The following NR3C2 variants were observed in gnomAD, a reference collection of about 807,000 sequenced individuals.
NR3C2 encodes the protein mineralocorticoid receptor.
A neutral mutation model predicts 86.4 loss-of-function variants in NR3C2; 15 were observed. The observed-to-expected ratio is 0.17, with a 90% CI of 0.12 to 0.27. The LOEUF (loss-of-function observed/expected upper bound fraction) is 0.27, where lower values mean the gene tolerates loss of function less well. Among genes scored for constraint, NR3C2 ranks in the 10% least tolerant of loss-of-function variants. The pLI is 1.00. For synonymous variants in NR3C2, 458 were observed against 450.5 expected, an observed-to-expected ratio of 1.02 and a Z score of -0.21; for missense variants, 960 against 1,195.6, an observed-to-expected ratio of 0.80 and a Z score of 2.91.
Position 148,080,931 on chromosome 4 carries a change from C to T in NR3C2, c.*413G>A, listed in dbSNP as rs886223353. ...ATATTAATGCCCCATATTGACTATA[C>T]GTTTTATGTGCAAACCAAGGGTAAG... On this transcript the variant is annotated 3_prime_UTR_variant, in exon 9 of 9. Coordinates refer to ENST00000358102, the MANE Select transcript of NR3C2 (RefSeq NM_000901.5). The T allele has an allele frequency of 9.4e-6, 3 of 320,478 alleles. No individual in the cohort carries two copies. The highest frequency in any genetic ancestry group is 2.2e-5 in the African/African-American group (1 of 46,340). The allele number at this position is 320,478 out of a possible 1,614,324, so 19.9% of individuals were successfully genotyped here.
intron 2 of NR3C2, among the ~76,000 whole-genome samples, chr4:148,296,294 T>C (rs537076352): frequency 3.3e-5 from 5 of 152,230 alleles, no homozygotes; most frequent in African/African-American, 1.2e-4. Flanking sequence ...ACCACATTTC[T>C]GGGAATTGAC....
Position 148,081,217 on chromosome 4 carries a change from A to G in NR3C2, c.*127T>C. The G allele has an allele frequency of 1.5e-6, 2 of 1,339,970 alleles. No individual in the cohort carries two copies. Among genetic ancestry groups the G allele is most frequent in the Non-Finnish European group, 2.1e-6 (2 of 950,010 alleles). 83.0% of individuals were successfully genotyped at this position (1,339,970 alleles called of 1,614,324 possible). ...GGCTCCAAACCTCTGACATGACTTT[A>G]AACTTGAGAAACTGTTGAACAAGTG... is the stretch of plus-strand genomic sequence containing the variant. On this transcript the variant is annotated 3_prime_UTR_variant, in exon 9 of 9. Transcript: ENST00000358102.
At chr4:148,348,279 A>G (rs185845556) in intron 2 of NR3C2, among the ~76,000 whole-genome samples, 97 of 152,182 alleles carry the variant, frequency 6.4e-4, no homozygotes, top group African/African-American at 2.2e-3. Flanking sequence ...ATGTTACAAT[A>G]TGCTCTGTCC....
At chr4:148,430,468 T>A (rs1251572437) in intron 2 of NR3C2, among the ~76,000 whole-genome samples, 2 of 152,046 alleles carry the variant, frequency 1.3e-5, no homozygotes, top group African/African-American at 2.4e-5. Context: ...GAATGAAAAA[T>A]GAATATCAGG....
chr4:148,313,249 C>T (rs958428374), intron 2 of NR3C2, among the ~76,000 whole-genome samples: 1 of 152,160 alleles, frequency 6.6e-6, no homozygotes, highest in African/African-American at 2.4e-5. Flanking sequence ...ACACAAAAAA[C>T]ACAACCACTT....
At chr4:148,202,177 T>C (rs7656855) in intron 3 of NR3C2, among the ~76,000 whole-genome samples, 114,204 of 152,182 alleles carry the variant, frequency 0.75, 43,862 homozygotes, top group African/African-American at 0.92. Context: ...CATTTGCTCC[T>C]GCCCCAGTAC....
At chr4:148,187,799 A>AGAC (rs1735999929) in intron 4 of NR3C2, among the ~76,000 whole-genome samples, 1 of 152,184 alleles carries the variant, frequency 6.6e-6, no homozygotes, top group Non-Finnish European at 1.5e-5. Flanking sequence ...TGCCTAAGCC[A>AGAC]ATGTCTAGAA....
At chr4:148,171,443 G>A (rs1195945071) in intron 4 of NR3C2, among the ~76,000 whole-genome samples, 1 of 152,194 alleles carries the variant, frequency 6.6e-6, no homozygotes, top group Non-Finnish European at 1.5e-5. Flanking sequence ...TGGGCACCAG[G>A]GACTGGTTTT....
intron 3 of NR3C2, among the ~76,000 whole-genome samples, chr4:148,253,767 A>T (rs1023339862): frequency 4.6e-5 from 7 of 152,096 alleles, no homozygotes; most frequent in African/African-American, 1.7e-4. Flanking sequence ...CATATGTTAC[A>T]TAAATAACTC....
At chr4:148,366,432 A>ATAATTTTTAAAAAG (rs1746116178) in intron 2 of NR3C2, among the ~76,000 whole-genome samples, 1 of 152,272 alleles carries the variant, frequency 6.6e-6, no homozygotes. Flanking sequence ...TTGAAAAAGA[A>ATAATTTTTAAAAAG]TACTTTTTTA....
At chr4:148,255,727 T>A (rs1477059044) in intron 3 of NR3C2, among the ~76,000 whole-genome samples, 1 of 152,192 alleles carries the variant, frequency 6.6e-6, no homozygotes, top group African/African-American at 2.4e-5. Context: ...GTGTGCTGAA[T>A]CTAGTCAACT....
At chr4:148,314,516 TAC>T (rs1743069477) in intron 2 of NR3C2, among the ~76,000 whole-genome samples, 1 of 152,170 alleles carries the variant, frequency 6.6e-6, no homozygotes. Context: ...TTACAATATA[TAC>T]AGTAATGAAA....
At chr4:148,397,726 G>A (rs536768413) in intron 2 of NR3C2, among the ~76,000 whole-genome samples, 88 of 152,264 alleles carry the variant, frequency 5.8e-4, no homozygotes, top group African/African-American at 2.1e-3. Context: ...AACTGAGAGT[G>A]AGCAGCTCAT....
intron 2 of NR3C2, among the ~76,000 whole-genome samples, chr4:148,348,516 AT>A (rs1170425164): frequency 3.3e-5 from 5 of 152,206 alleles, no homozygotes; most frequent in Non-Finnish European, 5.9e-5. Flanking sequence ...CCAAACTCTT[AT>A]TTTTACCATC....
chr4:148,203,658 C>G lies in NR3C2; in HGVS notation c.1898-8796G>C, dbSNP rs563179245. On this transcript the variant is annotated intron_variant, in intron 3 of 8. Transcript: ENST00000358102. ...ATTTCCCTTCCCCCATCCCTCCCCC[C>G]GCCCCGCCCCCGTTCTTATAATGTC... Among the ~76,000 whole-genome samples the G allele has an allele frequency of 3.5e-4, 49 of 140,148 alleles. No individual in the cohort carries two copies. The East Asian group carries it at 0.011, about 30-fold the overall frequency. The allele number at this position is 140,148 out of a possible 152,430, so 91.9% of individuals were successfully genotyped here.
At chr4:148,355,401 T>C (rs1479548780) in intron 2 of NR3C2, among the ~76,000 whole-genome samples, 1 of 152,132 alleles carries the variant, frequency 6.6e-6, no homozygotes, top group Non-Finnish European at 1.5e-5. Context: ...CTTTGCTCAG[T>C]CTCTCTTTTG....
chr4:148,394,579 C>A lies in NR3C2; in HGVS notation c.1757+40525G>T, dbSNP rs1306894407. Among the ~76,000 whole-genome samples, 5 of 151,612 alleles carry A rather than the reference C, an allele frequency of 3.3e-5. No individual in the cohort carries two copies. The East Asian group carries it at 7.8e-4, about 24-fold the overall frequency. ...TGGTGGCACACATCTGTAGTCCCAG[C>A]TACCCAGAAGGCTAAGGTGGGAGGA... On this transcript the variant is annotated intron_variant, in intron 2 of 8. Coordinates refer to ENST00000358102, the MANE Select transcript of NR3C2 (RefSeq NM_000901.5).
intron 3 of NR3C2, among the ~76,000 whole-genome samples, chr4:148,240,807 T>C (rs572835822): frequency 3.9e-5 from 6 of 152,318 alleles, no homozygotes; most frequent in African/African-American, 1.2e-4. Flanking sequence ...TGCTGTGAGA[T>C]TGCAGGAAGC....
intron 8 of NR3C2, among the ~76,000 whole-genome samples, chr4:148,106,775 A>C (rs1731818191): frequency 6.6e-6 from 1 of 152,230 alleles, no homozygotes; most frequent in African/African-American, 2.4e-5. Context: ...TTCCCTATTT[A>C]GTAAATGGTG....
Sources: gnomAD v4.1 joint callset for allele counts (sites outside exome capture counted in the v4.1 genomes callset) on GRCh38, gnomAD v4.1.1 for gene constraint, MANE v1.5 for transcripts, NCBI Gene and HGNC (gene_info 2026-07-23, HGNC 2026-07-21) for gene names.